Variants in EPN1 observed in about 807,000 individuals in gnomAD.
EPN1 encodes epsin 1, also known as epsin-1.
EPN1 carries 25 observed loss-of-function variants against 56.9 expected under a neutral mutation model. The ratio of observed to expected loss-of-function variants is 0.44; its 90% CI spans 0.32 to 0.61. The LOEUF (loss-of-function observed/expected upper bound fraction) is 0.61, where lower values mean the gene tolerates loss of function less well. Among genes scored for constraint, EPN1 ranks in the 20% least tolerant of loss-of-function variants. The pLI, the probability that EPN1 is intolerant of heterozygous loss-of-function variation, is 0.05. For synonymous variants in EPN1, 411 were observed against 361.8 expected (o/e 1.14, Z -1.54); for missense variants, 785 against 823.7 (o/e 0.95, Z 0.58).
chr19:55,689,385 C>A lies in EPN1; in HGVS notation c.678+14C>A. ...GAGCATGATAAGGTCAGAGCAGCCT[C>A]CCTGTCCCTGCCCCTGCCAGGGGCT... On this transcript the variant is annotated intron_variant, in intron 5 of 10. Coordinates refer to ENST00000270460, the MANE Select transcript of EPN1 (RefSeq NM_001130072.2). The surrounding 1 kb of genome is among the most constrained non-coding windows in gnomAD (Gnocchi z 5.7). 6.5e-7 allele frequency: 1 copy of A among 1,549,250 alleles called. No homozygotes were observed. The highest frequency in any genetic ancestry group is 8.7e-7 in the Non-Finnish European group (1 of 1,144,786).
Position 55,701,945 on chromosome 19 carries a change from G to GC in EPN1, c.*6594dup, listed in dbSNP as rs1206574222. ...TCTGCATCGAGCAGAGTCTCTAGCA[G>GC]CCCCCACCCCATTCTTTTTTTTTTT... On this transcript the variant is annotated 3_prime_UTR_variant, in exon 11 of 11. Transcript: ENST00000270460. 1.4e-5 allele frequency: 2 copies of GC among 145,248 alleles called. No individual in the cohort carries two copies. Among genetic ancestry groups the GC allele is most frequent in the Non-Finnish European group, 3.0e-5 (2 of 67,614 alleles). The allele number at this position is 145,248 out of a possible 1,614,324, so 9.0% of individuals were successfully genotyped here.
intron 2 of EPN1, among the ~76,000 whole-genome samples, chr19:55,682,936 T>C (rs566084025): frequency 6.6e-6 from 1 of 151,978 alleles, no homozygotes; most frequent in South Asian, 2.1e-4. Flanking sequence ...TTTGTATTTT[T>C]AGTAGAGATG....
rs905116105 is a variant in EPN1 at position 55,695,677 on chromosome 19, C to T, written c.*321C>T. On this transcript the variant is annotated 3_prime_UTR_variant, in exon 11 of 11. Transcript: ENST00000270460. The surrounding 1 kb of genome is among the most constrained non-coding windows in gnomAD (Gnocchi z 4.4). ...AGTCAGTGTTTGAGCCTCCTCGTTC[C>T]CCTCACGCACCCGCTCACGCACCCT... The T allele has an allele frequency of 4.4e-4, 161 of 366,384 alleles. 1 individual carries two copies. In the East Asian group the frequency reaches 5.6e-3, roughly 13 times the overall value. 22.7% of individuals were successfully genotyped at this position (366,384 alleles called of 1,614,324 possible). A position where few individuals can be genotyped will look rare whatever the true frequency, so the allele number is the denominator to read the frequency against.
intron 9 of EPN1, 22 bp downstream of exon 9, chr19:55,693,059 C>T (rs1209650176): frequency 7.5e-6 from 12 of 1,604,856 alleles, no homozygotes; most frequent in Non-Finnish European, 9.4e-6. Flanking sequence ...CCCTCCCCTG[C>T]CCAGTGGCGA....
At position 55,691,134 on chromosome 19, in the gene EPN1, T is replaced by C. The variant is rs1223867545; in HGVS notation, c.763-620T>C. 6.6e-6 allele frequency among the ~76,000 whole-genome samples: 1 copy of C among 152,134 alleles called. No individual in the cohort carries two copies. The highest frequency in any genetic ancestry group is 6.5e-5 in the Admixed American group (1 of 15,278). On this transcript the variant is annotated intron_variant, in intron 6 of 10. Coordinates refer to ENST00000270460, the MANE Select transcript of EPN1 (RefSeq NM_001130072.2). This position sits in a 1 kb window ranked among gnomAD's most constrained non-coding sequence, Gnocchi z 5.6. ...CACTTCCAGAACACAGGACCATGCATGCGTGTGCGTGCGGCATGGGAAGAC... is the reference window on the plus strand; with the variant it reads ...CACTTCCAGAACACAGGACCATGCACGCGTGTGCGTGCGGCATGGGAAGAC...
chr19:55,695,309 A>G lies in EPN1; in HGVS notation c.1684A>G (p.Met562Val), dbSNP rs1986853761. ...LGGGPGLPPMMPPGPPAPNTN... is the reference protein window; with the variant it reads ...LGGGPGLPPMVPPGPPAPNTN... ...CGGGGGCCCTGGCCTGCCCCCCATG[A>G]TGCCCCCGGGCCCCCCGGCCCCCAA... Residue 562 changes from methionine to valine, a missense_variant, in exon 11 of 11, where the codon ATG (methionine) becomes GTG (valine). Met to Val is a conservative substitution (Grantham distance 21, BLOSUM62 1). Transcript: ENST00000270460. This position sits in a 1 kb window ranked among gnomAD's most constrained non-coding sequence, Gnocchi z 4.4. 3.2e-6 allele frequency: 5 copies of G among 1,555,692 alleles called. No individual in the cohort carries two copies. In the African/African-American group the frequency reaches 4.1e-5, roughly 13 times the overall value.
rs1987498786 is a variant in EPN1, at chr19:55,707,766, T to G, written c.*12410T>G. The stretch of plus-strand genomic sequence containing the variant: ...CACCCACATGGCCGTGGCAAACTCC[T>G]TGGTTCTTCTTTCCACTGGAATCCC... On this transcript the variant is annotated 3_prime_UTR_variant, in exon 11 of 11. Transcript: ENST00000270460. 1.3e-5 allele frequency: 2 copies of G among 154,628 alleles called. No individual in the cohort carries two copies. Among genetic ancestry groups the G allele is most frequent in the South Asian group, 4.1e-4 (2 of 4,926 alleles). 9.6% of individuals were successfully genotyped at this position (154,628 alleles called of 1,614,324 possible).
chr19:55,679,701 G>A (rs906872429), intron 2 of EPN1, among the ~76,000 whole-genome samples: 6 of 152,240 alleles, frequency 3.9e-5, no homozygotes, highest in African/African-American at 1.4e-4. Flanking sequence ...TGAGGAGGCT[G>A]AGGCCTGGAG....
In EPN1 at chr19:55,695,066, C is replaced by T; in HGVS notation, c.1523-82C>T. 30 of 1,602,130 alleles carry T rather than the reference C, an allele frequency of 1.9e-5. No individual in the cohort carries two copies. The highest frequency in any genetic ancestry group is 2.5e-5 in the Non-Finnish European group (29 of 1,173,938). On this transcript the variant is annotated intron_variant, in intron 10 of 10. Coordinates refer to ENST00000270460, the MANE Select transcript of EPN1 (RefSeq NM_001130072.2). This position sits in a 1 kb window ranked among gnomAD's most constrained non-coding sequence, Gnocchi z 4.4. ...GCCTCACGGGGCAGGGACACTTCGC[C>T]CTTTGCCTGCACATGCTGGATGGAC... is the stretch of plus-strand genomic sequence containing the variant.
At chr19:55,682,624 G>C (rs1985890544) in intron 2 of EPN1, among the ~76,000 whole-genome samples, 2 of 151,790 alleles carry the variant, frequency 1.3e-5, no homozygotes, top group Non-Finnish European at 2.9e-5. Context: ...TTAGAGCTGG[G>C]GTTTTGCCAT....
In EPN1 at chr19:55,677,754, C is replaced by T. The variant is rs747647038; in HGVS notation, c.-101-773C>T. On this transcript the variant is annotated intron_variant, in intron 1 of 10. Coordinates refer to ENST00000270460, the MANE Select transcript of EPN1 (RefSeq NM_001130072.2). ...CCCTGGGTTGGTTCCCTGCTCCTGC[C>T]TCTGTCTTTAATCCCTTCATCAGCC... The T allele has an allele frequency of 9.9e-6, 15 of 1,522,608 alleles. No homozygotes were observed. The South Asian group carries it at 1.4e-4, about 14-fold the overall frequency. 94.3% of individuals were successfully genotyped at this position (1,522,608 alleles called of 1,614,324 possible).
At chr19:55,687,428 A>G (rs1986242491) in intron 3 of EPN1, among the ~76,000 whole-genome samples, 1 of 152,082 alleles carries the variant, frequency 6.6e-6, no homozygotes, top group Non-Finnish European at 1.5e-5. Flanking sequence ...GGGTGCCAGT[A>G]TTACCTGTGA....
At chr19:55,684,794 T>A (rs987196693) in intron 2 of EPN1, among the ~76,000 whole-genome samples, 1 of 152,170 alleles carries the variant, frequency 6.6e-6, no homozygotes, top group Admixed American at 6.5e-5. Context: ...CCATGTTACT[T>A]TAGATTTTAG....
In EPN1 at chr19:55,692,979, C is replaced by T. The variant is rs369597304; in HGVS notation, c.1206C>T (p.Asp402=). ...CCGGGGGATTCGACACGGAGCCCGACGAGTTCTCTGACTTTGACCGACTCC... is the reference window on the plus strand; with the variant it reads ...CCGGGGGATTCGACACGGAGCCCGATGAGTTCTCTGACTTTGACCGACTCC... The part of the protein sequence containing the change: ...TAAGGFDTEP[D]EFSDFDRLRT... The change falls in exon 9 of 11, where the codon GAC becomes GAT. Residue 402 remains aspartate (D), a synonymous_variant. Coordinates refer to ENST00000270460, the MANE Select transcript of EPN1 (RefSeq NM_001130072.2). 9.9e-6 allele frequency: 16 copies of T among 1,613,370 alleles called. No individual in the cohort carries two copies. The highest frequency in any genetic ancestry group is 9.3e-5 in the African/African-American group (7 of 74,914).
rs1869412763 is a variant in EPN1, at chr19:55,696,043, G to C, written c.*687G>C. The C allele has an allele frequency of 1.3e-5, 2 of 152,874 alleles. No individual in the cohort carries two copies. Among genetic ancestry groups the C allele is most frequent in the Middle Eastern group, 3.4e-3 (1 of 298 alleles). The allele number at this position is 152,874 out of a possible 1,614,324, so 9.5% of individuals were successfully genotyped here. On this transcript the variant is annotated 3_prime_UTR_variant, in exon 11 of 11. Transcript: ENST00000270460. ...GCAGGAGGCCTTGCTCTTGTGTTGA[G>C]GGGACACCAGGATGAGGTCAGAGAG...
At chr19:55,692,823 C>G in intron 8 of EPN1, 27 bp downstream of exon 8, 1 of 1,585,666 alleles carries the variant, frequency 6.3e-7, no homozygotes, top group South Asian at 1.1e-5. Context: ...GGGAATGGAG[C>G]CCCGGGTGGG....
chr19:55,676,354 A>G (rs1048347039), intron 1 of EPN1, among the ~76,000 whole-genome samples: 2 of 152,220 alleles, frequency 1.3e-5, no homozygotes, highest in Admixed American at 6.5e-5. Flanking sequence ...TTCTCTTTGA[A>G]TCAATTTAAT....
At chr19:55,682,919 G>C (rs919113479) in intron 2 of EPN1, among the ~76,000 whole-genome samples, 3 of 152,010 alleles carry the variant, frequency 2.0e-5, no homozygotes, top group Admixed American at 6.6e-5. Context: ...ACCACGCCTG[G>C]CTAATTTTTG....
intron 2 of EPN1, among the ~76,000 whole-genome samples, chr19:55,681,802 C>CTT (rs199910309): frequency 0.05 from 7,230 of 145,796 alleles, 595 homozygotes; most frequent in African/African-American, 0.17. Flanking sequence ...ATTTTGCAAA[C>CTT]TTTTTTTTTT....
Sources: gnomAD v4.1 joint callset for allele counts (sites outside exome capture counted in the v4.1 genomes callset) on GRCh38, gnomAD v4.1.1 for gene constraint, Gnocchi (gnomAD v3.1) non-coding constraint, MANE v1.5 for transcripts, NCBI Gene and HGNC (gene_info 2026-07-23, HGNC 2026-07-21) for gene names.